VWDE: variants seen among roughly 807,000 people sequenced by gnomAD.
VWDE encodes von Willebrand factor D and EGF domains.
A neutral mutation model predicts 178.4 loss-of-function variants in VWDE; 207 were observed. The observed-to-expected ratio is 1.16, with a 90% CI of 1.04 to 1.30. The LOEUF (loss-of-function observed/expected upper bound fraction) is 1.30. Among genes scored for constraint, VWDE ranks in the 50% most tolerant of loss-of-function variants. The pLI is 0.00. For missense variants in VWDE, 2,287 were observed against 1,901.3 expected (o/e 1.20, Z -3.77); for synonymous variants, 738 against 651.4 (o/e 1.13, Z -2.02).
In VWDE at chr7:12,359,681, G is replaced by T. The variant is rs1326581393; in HGVS notation, c.3171C>A (p.Cys1057Ter). ...NDSCTIKENV[C>*]IIDGLCYVEG... ...CAACATAGCAGAGTCCATCAATAAT[G>T]CAAACATTTTCCTAATGGAAAATTT... Residue 1057 changes from cysteine (C) to a stop codon, truncating the protein, a stop_gained, in exon 16 of 29, where the codon TGC (cysteine) becomes TGA (stop). Transcript: ENST00000275358. LOFTEE classifies it high-confidence loss of function. The T allele has an allele frequency of 6.5e-7, 1 of 1,540,142 alleles. No individual in the cohort carries two copies. Among genetic ancestry groups the T allele is most frequent in the South Asian group, 1.2e-5 (1 of 81,530 alleles).
chr7:12,388,627 T>C (rs1181461116), intron 3 of VWDE, among the ~76,000 whole-genome samples: 2 of 152,180 alleles, frequency 1.3e-5, no homozygotes, highest in South Asian at 2.1e-4. Flanking sequence ...TTTTTAGATA[T>C]TGTCTGAAGC....
In VWDE at chr7:12,369,585, A is replaced by G; in HGVS notation, c.2721T>C (p.Cys907=). 1 of 1,546,674 alleles carries G rather than the reference A, an allele frequency of 6.5e-7. No individual in the cohort carries two copies. Among genetic ancestry groups the G allele is most frequent in the Non-Finnish European group, 8.7e-7 (1 of 1,142,990 alleles). ...NGQCMEWGCA[C]SPSFSSYDCS... is the part of the protein sequence containing the mutation. ...AGTCATAGGAACTAAAGCTTGGGGAACACGCACACCCCCATTCCATGCACT... is the reference window on the plus strand; with the variant it reads ...AGTCATAGGAACTAAAGCTTGGGGAGCACGCACACCCCCATTCCATGCACT... Residue 907 remains cysteine, a synonymous_variant, in exon 12 of 29, where the codon TGT becomes TGC. Transcript: ENST00000275358.
At position 12,377,793 on chromosome 7, in the gene VWDE, A is replaced by C. The variant is rs1344740742; in HGVS notation, c.1007T>G (p.Leu336Arg). 4 of 1,497,234 alleles carry C rather than the reference A, an allele frequency of 2.7e-6. No homozygotes were observed. The highest frequency in any genetic ancestry group is 3.6e-6 in the Non-Finnish European group (4 of 1,114,790). The allele number at this position is 1,497,234 out of a possible 1,614,324, so 92.7% of individuals were successfully genotyped here. ...TATATTACCTTGACCAATAGTTTTC[A>C]GTTTTAATGAGATTTTGCATTCTTG... Reference protein sequence around the residue: ...LDQECKISLKLKTIGQGREHL... With the variant: ...LDQECKISLKRKTIGQGREHL... The change falls in exon 7 of 29, where the codon CTG (leucine) becomes CGG (arginine). Residue 336 changes from leucine to arginine, a missense_variant. By Grantham distance (102) the Leu-to-Arg change is moderately radical. Transcript: ENST00000275358.
At chr7:12,342,259 T>TTAGC in intron 22 of VWDE, 105 bp from the exon 23 acceptor site, 1 of 726,678 alleles carries the variant, frequency 1.4e-6, no homozygotes, top group Non-Finnish European at 2.2e-6. Context: ...TGCTAATTAA[T>TTAGC]AAGATTGCAG....
intron 19 of VWDE, among the ~76,000 whole-genome samples, chr7:12,351,207 C>A (rs1781916640): frequency 6.6e-6 from 1 of 152,130 alleles, no homozygotes; most frequent in African/African-American, 2.4e-5. Context: ...AGCACTATGA[C>A]ACAGGAAAGG....
intron 12 of VWDE, among the ~76,000 whole-genome samples, chr7:12,368,759 G>A (rs896039238): frequency 8.5e-5 from 13 of 152,118 alleles, no homozygotes; most frequent in African/African-American, 2.7e-4. Context: ...GAGAATCTAC[G>A]ATAATCTGAG....
At chr7:12,368,294 T>A (rs1240821118) in intron 12 of VWDE, among the ~76,000 whole-genome samples, 1 of 150,612 alleles carries the variant, frequency 6.6e-6, no homozygotes, top group African/African-American at 2.4e-5. Context: ...TTCAGGAATA[T>A]AGAAAAAATT....
chr7:12,379,905 A>C (rs1434338612), intron 5 of VWDE, among the ~76,000 whole-genome samples: 1 of 152,084 alleles, frequency 6.6e-6, no homozygotes, highest in African/African-American at 2.4e-5. Flanking sequence ...CCATCTGGCC[A>C]ACATTGTGAA....
In VWDE at chr7:12,367,488, CTT is replaced by C. The variant is rs1360266828; in HGVS notation, c.2765_2766del (p.Lys922SerfsTer3). On this transcript the variant is annotated frameshift_variant, in exon 13 of 29. Coordinates refer to ENST00000275358, the MANE Select transcript of VWDE (RefSeq NM_001135924.3). LOFTEE classifies it high-confidence loss of function. ...TTCCCAAGCTCTGTAATTTCAGGAG[CTT>C]TGTCTTTGGAAAAAAAATATAACAA... Reference protein sequence around the residue: ...SSYDCSDSYDKAPEITELGNA... With the variant: ...SSYDCSDSYDXAPEITELGNA... 1 of 1,496,072 alleles carries C rather than the reference CTT, an allele frequency of 6.7e-7. No individual in the cohort carries two copies. The highest frequency in any genetic ancestry group is 2.5e-5 in the Admixed American group (1 of 40,554). 92.7% of individuals were successfully genotyped at this position (1,496,072 alleles called of 1,614,324 possible).
At chr7:12,352,763 A>G (rs10262295) in intron 18 of VWDE, among the ~76,000 whole-genome samples, 134,650 of 152,168 alleles carry the variant, frequency 0.88, 59,663 homozygotes, top group Admixed American at 0.92. Context: ...TCCTTAGTAC[A>G]TAATTGTCAT....
chr7:12,346,179 A>G (rs566722137), intron 19 of VWDE, among the ~76,000 whole-genome samples: 2 of 152,284 alleles, frequency 1.3e-5, no homozygotes, highest in East Asian at 3.9e-4. Context: ...AGAATGTTAA[A>G]TAGTATAAAA....
At chr7:12,333,969 T>C (rs985176482) in intron 27 of VWDE, among the ~76,000 whole-genome samples, 1 of 152,252 alleles carries the variant, frequency 6.6e-6, no homozygotes, top group African/African-American at 2.4e-5. Context: ...CTGGCTAGTG[T>C]ATGGAAAATT....
chr7:12,334,794 T>C (rs1334297923), intron 27 of VWDE, among the ~76,000 whole-genome samples: 1 of 152,190 alleles, frequency 6.6e-6, no homozygotes, highest in Non-Finnish European at 1.5e-5. Context: ...GCTTTTAACA[T>C]CTTCTCATCC....
At chr7:12,356,730 T>C (rs1414125870) in intron 17 of VWDE, among the ~76,000 whole-genome samples, 1 of 152,218 alleles carries the variant, frequency 6.6e-6, no homozygotes, top group Admixed American at 6.5e-5. Context: ...CAGCTGCTCT[T>C]ACAATATTAC....
chr7:12,370,932 T>A, intron 10 of VWDE, 68 bp from the exon 11 acceptor site: 1 of 1,195,376 alleles, frequency 8.4e-7, no homozygotes, highest in Non-Finnish European at 1.1e-6. Context: ...TTAAGAAAAA[T>A]CTATTATTTA....
chr7:12,333,570 T>A lies in VWDE; in HGVS notation c.4655-2A>T, dbSNP rs1210539442. 5.2e-6 allele frequency: 8 copies of A among 1,545,954 alleles called. No homozygotes were observed. In the South Asian group the frequency reaches 9.5e-5, roughly 18 times the overall value. On this transcript the variant is annotated splice_acceptor_variant, in intron 27 of 28. Transcript: ENST00000275358. LOFTEE classifies it high-confidence loss of function. ...AAAGACATTTTGGGTTGCAAATTGC[T>A]GCAATACACAAATTTTTACAATGAC...
At chr7:12,392,258 C>T (rs879211199) in intron 2 of VWDE, among the ~76,000 whole-genome samples, 1 of 152,172 alleles carries the variant, frequency 6.6e-6, no homozygotes, top group Non-Finnish European at 1.5e-5. Context: ...ATAATGTCCG[C>T]AAGTGCAGGG....
At chr7:12,353,065 C>G (rs1782032362) in intron 18 of VWDE, among the ~76,000 whole-genome samples, 1 of 152,168 alleles carries the variant, frequency 6.6e-6, no homozygotes, top group Admixed American at 6.6e-5. Context: ...TCCAAAAAAA[C>G]TTGTTCTTCC....
chr7:12,386,829 T>G (rs2128560228), intron 3 of VWDE, among the ~76,000 whole-genome samples: 1 of 152,338 alleles, frequency 6.6e-6, no homozygotes, highest in South Asian at 2.1e-4. Context: ...CTCTGTGCCA[T>G]GTGGGCAGGG....
Sources: gnomAD v4.1 joint callset for allele counts (sites outside exome capture counted in the v4.1 genomes callset) on GRCh38, gnomAD v4.1.1 for gene constraint, MANE v1.5 for transcripts, NCBI Gene and HGNC (gene_info 2026-07-23, HGNC 2026-07-21) for gene names.